PLD5: variants seen among roughly 807,000 people sequenced by gnomAD.
PLD5 encodes the protein inactive phospholipase D5.
Under a neutral mutation model 61.1 loss-of-function variants are expected in PLD5, and 36 were observed. The ratio of observed to expected loss-of-function variants is 0.59; its 90% CI spans 0.45 to 0.78. The LOEUF is 0.78. Among genes scored for constraint, PLD5 ranks in the 30% least tolerant of loss-of-function variants. The pLI, the probability that PLD5 is intolerant of heterozygous loss-of-function variation, is 0.00. For missense variants in PLD5, 515 were observed against 644.4 expected (o/e 0.80, Z 2.17); for synonymous variants, 243 against 242.8 (o/e 1.00, Z -0.01).
chr1:242,520,377 T>C lies in PLD5; in HGVS notation c.189+3711A>G, dbSNP rs145157956. Among the ~76,000 whole-genome samples the C allele has an allele frequency of 1.5e-3, 225 of 152,320 alleles. 3 individuals carry two copies. Among genetic ancestry groups the C allele is most frequent in the Non-Finnish European group, 5.4e-4 (37 of 68,032 alleles). The stretch of plus-strand genomic sequence containing the variant: ...ATTTGGAGAATGTTCGTTCCTGCAC[T>C]ACAGACATGGATTGTCTTGTTTCAT... On this transcript the variant is annotated intron_variant, in intron 1 of 9. Coordinates refer to ENST00000536534, the MANE Select transcript of PLD5 (RefSeq NM_001372062.1).
chr1:242,178,172 T>C (rs1667291639), intron 5 of PLD5: 1 of 152,236 alleles, frequency 6.6e-6, no homozygotes, highest in Non-Finnish European at 1.5e-5. Context: ...CCAGTCTCTA[T>C]GTGCTGAAAT....
At chr1:242,325,579 C>T (rs1418729907) in intron 2 of PLD5, among the ~76,000 whole-genome samples, 1 of 152,088 alleles carries the variant, frequency 6.6e-6, no homozygotes, top group Admixed American at 6.5e-5. Context: ...CTCACTTCAA[C>T]CTCCGCCTGC....
intron 5 of PLD5, among the ~76,000 whole-genome samples, chr1:242,214,165 C>T (rs994371747): frequency 2.0e-5 from 3 of 152,122 alleles, no homozygotes; most frequent in Admixed American, 2.0e-4. Flanking sequence ...TCTCCCATAC[C>T]TAATGCTTTA....
In PLD5 at chr1:242,315,347, C is replaced by T. The variant is rs576259751; in HGVS notation, c.327-26817G>A. ...TAAACAATACCGGAAAGGACATTTG[C>T]CTAAATATGCAAGAAATTATAAATT... On this transcript the variant is annotated intron_variant, in intron 2 of 9. Coordinates refer to ENST00000536534, the MANE Select transcript of PLD5 (RefSeq NM_001372062.1). Among the ~76,000 whole-genome samples, 8 of 152,218 alleles carry T rather than the reference C, an allele frequency of 5.3e-5. No individual in the cohort carries two copies. The East Asian group carries it at 1.3e-3, about 26-fold the overall frequency.
chr1:242,263,974 G>A (rs1288975868), intron 4 of PLD5, among the ~76,000 whole-genome samples: 1 of 152,132 alleles, frequency 6.6e-6, no homozygotes, highest in Non-Finnish European at 1.5e-5. Context: ...GATGTCTCGG[G>A]CTCCCTCCTT....
chr1:242,327,626 G>C (rs1206223644), intron 2 of PLD5, among the ~76,000 whole-genome samples: 5 of 152,076 alleles, frequency 3.3e-5, no homozygotes, highest in Non-Finnish European at 7.4e-5. Flanking sequence ...AATTTACTAG[G>C]AGGCAAAAAG....
chr1:242,174,809 A>G (rs1667010183), intron 5 of PLD5, among the ~76,000 whole-genome samples: 3 of 151,966 alleles, frequency 2.0e-5, no homozygotes, highest in Admixed American at 6.6e-5. Context: ...ACAAAAAACC[A>G]AACACCGCAT....
At chr1:242,247,875 C>G (rs978937812) in intron 4 of PLD5, among the ~76,000 whole-genome samples, 13 of 152,190 alleles carry the variant, frequency 8.5e-5, no homozygotes, top group African/African-American at 3.1e-4. Flanking sequence ...GAACCTAACT[C>G]TGAGCAGCTG....
chr1:242,508,166 C>T (rs1668787483), intron 1 of PLD5, among the ~76,000 whole-genome samples: 1 of 151,164 alleles, frequency 6.6e-6, no homozygotes, highest in Admixed American at 6.6e-5. Context: ...GAGTTCAAGA[C>T]CAGCCTGGCC....
At chr1:242,428,405 A>C (rs74772914) in intron 1 of PLD5, among the ~76,000 whole-genome samples, 3,618 of 152,296 alleles carry the variant, frequency 0.024, 170 homozygotes, top group African/African-American at 0.083. Flanking sequence ...TTATTCTAAA[A>C]CAGAAATTGT....
At chr1:242,377,660 A>G (rs1277716652) in intron 1 of PLD5, among the ~76,000 whole-genome samples, 1 of 152,202 alleles carries the variant, frequency 6.6e-6, no homozygotes, top group Non-Finnish European at 1.5e-5. Context: ...AAATAAATAA[A>G]TAAATAAAAC....
intron 1 of PLD5, among the ~76,000 whole-genome samples, chr1:242,412,446 C>T (rs1023189391): frequency 2.0e-5 from 3 of 152,212 alleles, no homozygotes; most frequent in Non-Finnish European, 4.4e-5. Flanking sequence ...CAGGGACAAG[C>T]AGTCCTGGGG....
chr1:242,317,438 C>A (rs1658090058), intron 2 of PLD5, among the ~76,000 whole-genome samples: 1 of 151,994 alleles, frequency 6.6e-6, no homozygotes, highest in African/African-American at 2.4e-5. Flanking sequence ...TATAAAAGAA[C>A]CTATAATTGG....
chr1:242,407,744 A>C (rs1664323261), intron 1 of PLD5, among the ~76,000 whole-genome samples: 1 of 151,888 alleles, frequency 6.6e-6, no homozygotes, highest in Non-Finnish European at 1.5e-5. Flanking sequence ...ACACCTGGCT[A>C]ATTTTTGTAT....
At chr1:242,249,937 G>A (rs1336916834) in intron 4 of PLD5, among the ~76,000 whole-genome samples, 1 of 152,086 alleles carries the variant, frequency 6.6e-6, no homozygotes, top group Non-Finnish European at 1.5e-5. Flanking sequence ...CTTTCAAAAT[G>A]CTCGTACCAT....
At chr1:242,449,485 C>A (rs1488342719) in intron 1 of PLD5, 21 of 1,526,470 alleles carry the variant, frequency 1.4e-5, no homozygotes, top group Middle Eastern at 3.4e-4. Context: ...GTATCACCAC[C>A]GATTACATTT....
intron 8 of PLD5, among the ~76,000 whole-genome samples, chr1:242,103,347 T>A (rs565942663): frequency 6.6e-6 from 1 of 152,318 alleles, no homozygotes; most frequent in Non-Finnish European, 1.5e-5. Flanking sequence ...GCTTGCAGAA[T>A]CTTTCTTATT....
At chr1:242,255,246 A>G (rs1363092625) in intron 4 of PLD5, among the ~76,000 whole-genome samples, 1 of 152,176 alleles carries the variant, frequency 6.6e-6, no homozygotes, top group Non-Finnish European at 1.5e-5. Context: ...GAAAGGTAGA[A>G]TAATATAAAG....
chr1:242,278,668 T>C (rs1558424157), intron 3 of PLD5, among the ~76,000 whole-genome samples: 1 of 152,196 alleles, frequency 6.6e-6, no homozygotes, highest in Non-Finnish European at 1.5e-5. Flanking sequence ...TGTATCGTTA[T>C]AAATGGTTTT....
Sources: gnomAD v4.1 joint callset for allele counts (sites outside exome capture counted in the v4.1 genomes callset) on GRCh38, gnomAD v4.1.1 for gene constraint, MANE v1.5 for transcripts, NCBI Gene and HGNC (gene_info 2026-07-23, HGNC 2026-07-21) for gene names.